The following UBE2E2 variants were observed in gnomAD, a reference collection of about 807,000 sequenced individuals.
UBE2E2 encodes the protein ubiquitin-conjugating enzyme E2 E2.
Under a neutral mutation model 24.7 loss-of-function variants are expected in UBE2E2, and 6 were observed. The observed-to-expected ratio is 0.24, with a 90% CI of 0.13 to 0.48. The LOEUF is 0.48. UBE2E2 is among the 20% of genes least tolerant of loss of function. The pLI is 0.99. For synonymous variants in UBE2E2, 104 were observed against 83.6 expected, an observed-to-expected ratio of 1.24 and a Z score of -1.33; for missense variants, 169 against 245.0, an observed-to-expected ratio of 0.69 and a Z score of 2.07.
intron 3 of UBE2E2, among the ~76,000 whole-genome samples, chr3:23,291,261 T>C (rs1698758616): frequency 6.6e-6 from 1 of 152,170 alleles, no homozygotes; most frequent in Admixed American, 6.5e-5. Flanking sequence ...TTGTGCAGTA[T>C]ACAAACTCAC....
chr3:23,534,001 C>T (rs1469041287), intron 5 of UBE2E2, among the ~76,000 whole-genome samples: 2 of 152,032 alleles, frequency 1.3e-5, no homozygotes, highest in Admixed American at 6.6e-5. Flanking sequence ...CAGTAAAGTC[C>T]AATAATGTTA....
At chr3:23,486,094 A>G (rs1241967930) in intron 3 of UBE2E2, among the ~76,000 whole-genome samples, 1 of 152,194 alleles carries the variant, frequency 6.6e-6, no homozygotes, top group African/African-American at 2.4e-5. Flanking sequence ...CTCAGCTTGC[A>G]CTACTGGCCT....
chr3:23,561,264 G>A (rs1045805507), intron 5 of UBE2E2, among the ~76,000 whole-genome samples: 1 of 152,118 alleles, frequency 6.6e-6, no homozygotes, highest in African/African-American at 2.4e-5. Flanking sequence ...TGTAAGGAAG[G>A]GATCCAGTTT....
chr3:23,578,313 A>G (rs1043268183), intron 5 of UBE2E2, among the ~76,000 whole-genome samples: 3 of 152,244 alleles, frequency 2.0e-5, no homozygotes, highest in Admixed American at 2.0e-4. Context: ...AGAAAAAGGA[A>G]TGCATTTACA....
At chr3:23,216,706 A>G (rs185282274) in intron 2 of UBE2E2, among the ~76,000 whole-genome samples, 5 of 152,224 alleles carry the variant, frequency 3.3e-5, no homozygotes, top group African/African-American at 4.8e-5. Context: ...AGCTCATGCA[A>G]TGACATTAAT....
At chr3:23,347,068 G>GC (rs1465599756) in intron 3 of UBE2E2, among the ~76,000 whole-genome samples, 3 of 152,122 alleles carry the variant, frequency 2.0e-5, no homozygotes, top group East Asian at 3.9e-4. Flanking sequence ...TTACATCCCT[G>GC]CCCACCTCCA....
At chr3:23,433,445 T>C (rs1051277758) in intron 3 of UBE2E2, among the ~76,000 whole-genome samples, 3 of 151,998 alleles carry the variant, frequency 2.0e-5, no homozygotes, top group African/African-American at 7.2e-5. Flanking sequence ...AGGTGAATGC[T>C]TTGGACTGAT....
intron 3 of UBE2E2, among the ~76,000 whole-genome samples, chr3:23,330,237 G>A (rs1406543235): frequency 6.6e-6 from 1 of 152,152 alleles, no homozygotes; most frequent in Non-Finnish European, 1.5e-5. Flanking sequence ...GCTGAACTTA[G>A]TACCCTCTTT....
At chr3:23,348,596 C>G (rs987076279) in intron 3 of UBE2E2, among the ~76,000 whole-genome samples, 1 of 152,080 alleles carries the variant, frequency 6.6e-6, no homozygotes, top group Non-Finnish European at 1.5e-5. Flanking sequence ...AAGAGTAATT[C>G]TAGACACCAA....
chr3:23,536,690 A>G lies in UBE2E2; in HGVS notation c.508+3989A>G, dbSNP rs75216475. On this transcript the variant is annotated intron_variant, in intron 5 of 5. Coordinates refer to ENST00000396703, the MANE Select transcript of UBE2E2 (RefSeq NM_152653.4). The stretch of plus-strand genomic sequence containing the variant: ...CTATTTGCAAATAAAATTCTTTGAT[A>G]TATGGAATTTAGTTCAAAATAATCC... Among the ~76,000 whole-genome samples the G allele has an allele frequency of 4.8e-3, 725 of 152,332 alleles. 5 individuals are homozygous for G. The highest frequency in any genetic ancestry group is 8.5e-3 in the East Asian group (44 of 5,182).
In UBE2E2 at chr3:23,222,078, T is replaced by C. The variant is rs149836573; in HGVS notation, c.227+4766T>C. On this transcript the variant is annotated intron_variant, in intron 3 of 5. Transcript: ENST00000396703. ...TTGAGATCTACATTTTTAGCTCTCA[T>C]GTAAGAGTGAGAACATGTGACATTT... 2.7e-3 allele frequency among the ~76,000 whole-genome samples: 418 copies of C among 152,296 alleles called. 1 individual carries two copies. The highest frequency in any genetic ancestry group is 9.8e-3 in the African/African-American group (406 of 41,572).
chr3:23,387,190 A>T (rs540444924), intron 3 of UBE2E2, among the ~76,000 whole-genome samples: 1 of 152,280 alleles, frequency 6.6e-6, no homozygotes, highest in South Asian at 2.1e-4. Context: ...CCTATTCCTG[A>T]TGGTTTAAAT....
At chr3:23,388,396 GTTCATAATGAGACAGCTC>G (rs769219429) in intron 3 of UBE2E2, among the ~76,000 whole-genome samples, 43 of 152,108 alleles carry the variant, frequency 2.8e-4, no homozygotes, top group Non-Finnish European at 5.3e-4. Context: ...TTACATCTCT[GTTCATAATGAGACAGCTC>G]TCTGTTAGAC....
At chr3:23,357,860 A>G (rs1412764218) in intron 3 of UBE2E2, among the ~76,000 whole-genome samples, 1 of 151,996 alleles carries the variant, frequency 6.6e-6, no homozygotes, top group East Asian at 1.9e-4. Context: ...TTTTTTTGAC[A>G]CAAGGTCTCA....
At chr3:23,306,066 G>A (rs920269259) in intron 3 of UBE2E2, among the ~76,000 whole-genome samples, 1 of 152,092 alleles carries the variant, frequency 6.6e-6, no homozygotes, top group African/African-American at 2.4e-5. Context: ...TTAAGTGGTA[G>A]ATAAAAAAGG....
intron 3 of UBE2E2, among the ~76,000 whole-genome samples, chr3:23,263,611 G>A (rs769226230): frequency 6.6e-6 from 1 of 152,132 alleles, no homozygotes; most frequent in Non-Finnish European, 1.5e-5. Flanking sequence ...TCGTTTAAGA[G>A]CTACAATGAT....
intron 3 of UBE2E2, among the ~76,000 whole-genome samples, chr3:23,281,708 G>T (rs1440114936): frequency 6.6e-6 from 1 of 152,148 alleles, no homozygotes; most frequent in East Asian, 1.9e-4. Context: ...TTATGTTAAT[G>T]TTAAGAATAA....
At chr3:23,578,542 T>C (rs1255821369) in intron 5 of UBE2E2, among the ~76,000 whole-genome samples, 1 of 152,156 alleles carries the variant, frequency 6.6e-6, no homozygotes. Flanking sequence ...TGCTCATCAA[T>C]TATAGACTGG....
intron 3 of UBE2E2, among the ~76,000 whole-genome samples, chr3:23,341,335 T>C (rs918787699): frequency 6.7e-6 from 1 of 149,812 alleles, no homozygotes; most frequent in African/African-American, 2.5e-5. Flanking sequence ...TAAGTACTCA[T>C]CTTATCCACA....
Sources: allele counts gnomAD v4.1 joint callset (sites outside exome capture counted in the v4.1 genomes callset), GRCh38; gene constraint gnomAD v4.1.1; transcripts MANE v1.5; gene names NCBI Gene and HGNC (gene_info 2026-07-23, HGNC 2026-07-21).